Variants in TRAPPC9 observed in about 807,000 individuals in gnomAD.
TRAPPC9 encodes trafficking protein particle complex subunit 9, also known as IKK2 binding protein.
Under a neutral mutation model 124.0 loss-of-function variants are expected in TRAPPC9, and 83 were observed. The ratio of observed to expected loss-of-function variants is 0.67; its 90% confidence interval spans 0.56 to 0.80. The LOEUF is 0.80. Among genes scored for constraint, TRAPPC9 ranks in the 30% least tolerant of loss-of-function variants. The probability of loss-of-function intolerance (pLI) is 0.00; values close to 1 mark genes in which losing one functional copy is unlikely to be tolerated. For missense variants in TRAPPC9, 1,302 were observed against 1,508.3 expected (o/e 0.86, Z 2.27); for synonymous variants, 638 against 617.5 (o/e 1.03, Z -0.49).
intron 19 of TRAPPC9, among the ~76,000 whole-genome samples, chr8:139,928,139 C>T (rs1294623012): frequency 6.6e-6 from 1 of 152,184 alleles, no homozygotes; most frequent in Non-Finnish European, 1.5e-5. Flanking sequence ...TGAAATATCT[C>T]CCCACCAAAA....
intron 21 of TRAPPC9, among the ~76,000 whole-genome samples, chr8:139,753,975 G>T (rs979964099): frequency 2.0e-5 from 3 of 152,204 alleles, no homozygotes; most frequent in Non-Finnish European, 2.9e-5. Flanking sequence ...CACAGAGCAG[G>T]TATTCCATAA....
At chr8:140,413,915 G>A (rs1043586717) in intron 5 of TRAPPC9, among the ~76,000 whole-genome samples, 3 of 151,568 alleles carry the variant, frequency 2.0e-5, no homozygotes, top group Non-Finnish European at 4.4e-5. Flanking sequence ...TATCATTGTT[G>A]GACATTTGGG....
intron 17 of TRAPPC9, among the ~76,000 whole-genome samples, chr8:140,206,647 C>A (rs1037732466): frequency 6.6e-6 from 1 of 151,996 alleles, no homozygotes. Context: ...ATTCAGGATT[C>A]TTCACTTGTG....
intron 17 of TRAPPC9, among the ~76,000 whole-genome samples, chr8:140,208,495 A>T (rs1344491024): frequency 6.6e-6 from 1 of 152,228 alleles, no homozygotes; most frequent in Admixed American, 6.5e-5. Flanking sequence ...TGGCATAACC[A>T]GCCTTCCAGG....
rs71320340 is a variant in TRAPPC9, at chr8:140,019,542, C to CTTTTTTTTTTTTT, written c.2699+4382_2699+4394dup. Among the ~76,000 whole-genome samples, 5 of 43,838 alleles carry CTTTTTTTTTTTTT rather than the reference C, an allele frequency of 1.1e-4. 1 individual carries two copies. Among genetic ancestry groups the CTTTTTTTTTTTTT allele is most frequent in the East Asian group, 8.1e-4 (1 of 1,236 alleles). 28.8% of individuals were successfully genotyped at this position (43,838 alleles called of 152,430 possible). ...CTGTGTCAATTTTAGTAATTTGTGT[C>CTTTTTTTTTTTTT]TTTTTTTTTTTTTTTTTTTTTTTTT... On this transcript the variant is annotated intron_variant, in intron 18 of 22. Coordinates refer to ENST00000438773, the MANE Select transcript of TRAPPC9 (RefSeq NM_001160372.4).
At chr8:139,917,554 A>G (rs1832231001) in intron 19 of TRAPPC9, among the ~76,000 whole-genome samples, 6 of 152,168 alleles carry the variant, frequency 3.9e-5, no homozygotes, top group Admixed American at 3.9e-4. Flanking sequence ...CAATCAAAGC[A>G]CCATCGGAGA....
At chr8:139,864,227 C>T (rs1408215333) in intron 21 of TRAPPC9, among the ~76,000 whole-genome samples, 1 of 152,208 alleles carries the variant, frequency 6.6e-6, no homozygotes, top group Non-Finnish European at 1.5e-5. Context: ...AGCTGATCCA[C>T]GTCCAAATAG....
chr8:139,989,435 G>A (rs183641578), intron 18 of TRAPPC9, among the ~76,000 whole-genome samples: 2 of 152,344 alleles, frequency 1.3e-5, no homozygotes, highest in Admixed American at 1.3e-4. Context: ...TCCTCCAGAG[G>A]TGACAAGTAA....
At position 140,450,731 on chromosome 8, in the gene TRAPPC9, T is replaced by C. The variant is rs77320103; in HGVS notation, c.584+59A>G. 2.2e-4 allele frequency: 296 copies of C among 1,347,068 alleles called. 1 individual carries two copies. The African/African-American group carries it at 3.5e-3, about 16-fold the overall frequency. 83.4% of individuals were successfully genotyped at this position (1,347,068 alleles called of 1,614,324 possible). A position where few individuals can be genotyped will look rare whatever the true frequency, so the allele number is the denominator to read the frequency against. Reference sequence around the variant, plus strand: ...TCCTTGCTGCAATGAAATTCTGCCCTGTGCTTTCCCTTTCTGATGCAGGGA... The same window carrying C: ...TCCTTGCTGCAATGAAATTCTGCCCCGTGCTTTCCCTTTCTGATGCAGGGA... On this transcript the variant is annotated intron_variant, in intron 2 of 22. Transcript: ENST00000438773.
chr8:140,042,971 G>A (rs530827463), intron 17 of TRAPPC9, among the ~76,000 whole-genome samples: 1 of 152,332 alleles, frequency 6.6e-6, no homozygotes, highest in African/African-American at 2.4e-5. Flanking sequence ...TCACACGGGA[G>A]CCAATGTAAT....
At chr8:139,867,125 C>T (rs934325675) in intron 21 of TRAPPC9, among the ~76,000 whole-genome samples, 4 of 152,344 alleles carry the variant, frequency 2.6e-5, no homozygotes, top group Admixed American at 1.3e-4. Flanking sequence ...TGAGCCACTG[C>T]ACCTGGCCTC....
intron 17 of TRAPPC9, among the ~76,000 whole-genome samples, chr8:140,042,384 T>C (rs1841331541): frequency 6.6e-6 from 1 of 152,206 alleles, no homozygotes; most frequent in Non-Finnish European, 1.5e-5. Flanking sequence ...TCTTTGACTT[T>C]AAAACAATCA....
At chr8:140,380,926 C>G (rs893506878) in intron 7 of TRAPPC9, among the ~76,000 whole-genome samples, 1 of 151,880 alleles carries the variant, frequency 6.6e-6, no homozygotes, top group African/African-American at 2.4e-5. Flanking sequence ...TGAAATGGGC[C>G]GGGCATGGTG....
intron 19 of TRAPPC9, among the ~76,000 whole-genome samples, chr8:139,978,214 G>A (rs6997846): frequency 0.77 from 117,479 of 152,134 alleles, 46,259 homozygotes; most frequent in Middle Eastern, 0.93. Flanking sequence ...GCACACAACC[G>A]GCAGAACCCC....
At chr8:139,862,395 G>C (rs73366216) in intron 21 of TRAPPC9, among the ~76,000 whole-genome samples, 1,663 of 152,322 alleles carry the variant, frequency 0.011, 26 homozygotes, top group African/African-American at 0.037. Context: ...CCAGCTGTTG[G>C]GCTGGCCCAG....
At chr8:139,828,381 A>G (rs1254005966) in intron 21 of TRAPPC9, among the ~76,000 whole-genome samples, 1 of 152,232 alleles carries the variant, frequency 6.6e-6, no homozygotes, top group African/African-American at 2.4e-5. Context: ...TCTGGTCCCC[A>G]GGAGCTAATC....
intron 17 of TRAPPC9, among the ~76,000 whole-genome samples, chr8:140,085,660 GCT>G (rs918179932): frequency 3.9e-5 from 6 of 152,106 alleles, no homozygotes; most frequent in Non-Finnish European, 8.8e-5. Flanking sequence ...TCCCCCTTCT[GCT>G]CTGCCTACTC....
Position 140,342,010 on chromosome 8 carries a change from G to A in TRAPPC9, c.1495+18040C>T, listed in dbSNP as rs142493275. ...AAAGAAAGATCACTTTATCATAGGG[G>A]TGGAGGACAGGAAAGAAAGGGCGGA... On this transcript the variant is annotated intron_variant, in intron 9 of 22. Coordinates refer to ENST00000438773, the MANE Select transcript of TRAPPC9 (RefSeq NM_001160372.4). Among the ~76,000 whole-genome samples, 398 of 152,358 alleles carry A rather than the reference G, an allele frequency of 2.6e-3. 2 individuals carry two copies. Among genetic ancestry groups the A allele is most frequent in the African/African-American group, 9.1e-3 (377 of 41,572 alleles).
chr8:140,380,440 G>T (rs575902750), intron 7 of TRAPPC9, among the ~76,000 whole-genome samples: 1 of 152,064 alleles, frequency 6.6e-6, no homozygotes, highest in South Asian at 2.1e-4. Context: ...GATCGCCTGA[G>T]GTCAGGAGTT....
Sources: allele counts gnomAD v4.1 joint callset (sites outside exome capture counted in the v4.1 genomes callset), GRCh38; gene constraint gnomAD v4.1.1; transcripts MANE v1.5; gene names NCBI Gene and HGNC (gene_info 2026-07-23, HGNC 2026-07-21).